The following LRRC7 variants were observed in gnomAD, a reference collection of about 807,000 sequenced individuals.
The protein encoded by LRRC7 is leucine rich repeat containing 7, also known as leucine-rich repeat-containing protein 7.
In LRRC7, 23 loss-of-function variants were observed where a neutral mutation model predicts 175.7. The ratio of observed to expected loss-of-function variants is 0.13; its 90% CI spans 0.09 to 0.19. LRRC7 has a LOEUF of 0.19. Ranked by LOEUF, LRRC7 falls within the 10% of genes least tolerant of loss-of-function variation. The pLI is 1.00. For synonymous variants in LRRC7, 685 were observed against 680.9 expected, an observed-to-expected ratio of 1.01 and a Z score of -0.09; for missense variants, 1,354 against 1,904.7, an observed-to-expected ratio of 0.71 and a Z score of 5.38.
intron 3 of LRRC7, 58 bp downstream of exon 3, chr1:69,760,451 A>C (rs1290180837): frequency 7.1e-7 from 1 of 1,418,186 alleles, no homozygotes; most frequent in Non-Finnish European, 9.9e-7. Context: ...ATTTTCAAAT[A>C]CTTTATTATA....
At chr1:70,110,820 G>T (rs1449707290) in intron 26 of LRRC7, among the ~76,000 whole-genome samples, 1 of 152,122 alleles carries the variant, frequency 6.6e-6, no homozygotes, top group Non-Finnish European at 1.5e-5. Context: ...TGAAAGAAAC[G>T]AGAATGGCTA....
At position 69,827,881 on chromosome 1, in the gene LRRC7, A is replaced by G. The variant is rs188386850; in HGVS notation, c.500+2055A>G. ...TCTATTTAGGTGTATGGTTCAATGA[A>G]TTTTAACAAATGTATACAGTCATGT... On this transcript the variant is annotated intron_variant, in intron 5 of 26. Transcript: ENST00000651989. 5.9e-5 allele frequency among the ~76,000 whole-genome samples: 9 copies of G among 152,206 alleles called. No homozygotes were observed. The East Asian group carries it at 1.7e-3, about 29-fold the overall frequency.
chr1:69,672,255 TA>T (rs11350652), intron 1 of LRRC7, among the ~76,000 whole-genome samples: 19,104 of 152,226 alleles, frequency 0.13, 1,551 homozygotes, highest in South Asian at 0.18. Flanking sequence ...TACATTTTTT[TA>T]AAAAAATTGT....
intron 1 of LRRC7, among the ~76,000 whole-genome samples, chr1:69,597,878 C>T (rs1646905674): frequency 6.6e-6 from 1 of 152,086 alleles, no homozygotes; most frequent in African/African-American, 2.4e-5. Context: ...CAGTTTGCAC[C>T]TTTCCAAGTA....
In LRRC7 at chr1:70,023,212, A is replaced by G; in HGVS notation, c.1632A>G (p.Pro544=). 1.2e-6 allele frequency: 2 copies of G among 1,606,196 alleles called. No individual in the cohort carries two copies. Among genetic ancestry groups the G allele is most frequent in the South Asian group, 1.1e-5 (1 of 89,534 alleles). Residue 544 remains proline, a synonymous_variant, in exon 17 of 27, where the codon CCA becomes CCG. Coordinates refer to ENST00000651989, the MANE Select transcript of LRRC7 (RefSeq NM_001370785.2). ...PARLSGDCCT[P]WARCDQQIQD... ...GACTGTCTGGCGATTGCTGCACACC[A>G]TGGGCCAGGTGTGATCAGCAGATCC...
At chr1:69,623,509 T>C (rs1650970870) in intron 1 of LRRC7, among the ~76,000 whole-genome samples, 1 of 151,686 alleles carries the variant, frequency 6.6e-6, no homozygotes, top group Non-Finnish European at 1.5e-5. Context: ...GAACAAATAG[T>C]TGATTTTGCT....
At chr1:69,896,171 G>A (rs1037530843) in intron 7 of LRRC7, among the ~76,000 whole-genome samples, 2 of 151,488 alleles carry the variant, frequency 1.3e-5, no homozygotes, top group African/African-American at 4.9e-5. Flanking sequence ...ATTTTATATC[G>A]ATGCATAATA....
chr1:69,784,697 G>A (rs1324169995), intron 3 of LRRC7, among the ~76,000 whole-genome samples: 2 of 152,088 alleles, frequency 1.3e-5, no homozygotes, highest in Admixed American at 6.5e-5. Context: ...TCTAATGTAA[G>A]CATTTAAGGC....
At chr1:69,871,923 A>G (rs553181514) in intron 7 of LRRC7, among the ~76,000 whole-genome samples, 1 of 152,144 alleles carries the variant, frequency 6.6e-6, no homozygotes, top group African/African-American at 2.4e-5. Context: ...TTTCTAATGT[A>G]AGTAATAATT....
intron 2 of LRRC7, among the ~76,000 whole-genome samples, chr1:69,687,147 A>G (rs1429547792): frequency 6.6e-6 from 1 of 152,128 alleles, no homozygotes. Context: ...ATTTAGCCCA[A>G]CTTAGTTGTC....
chr1:69,830,693 C>T (rs937465044), intron 5 of LRRC7, among the ~76,000 whole-genome samples: 1 of 151,682 alleles, frequency 6.6e-6, no homozygotes, highest in Non-Finnish European at 1.5e-5. Context: ...TGCAGAGTAA[C>T]CATTCAATAA....
intron 2 of LRRC7, among the ~76,000 whole-genome samples, chr1:69,686,828 AG>A (rs1475522664): frequency 6.6e-6 from 1 of 152,162 alleles, no homozygotes; most frequent in African/African-American, 2.4e-5. Flanking sequence ...TAGATAAAAA[AG>A]AAAGACCAAC....
chr1:69,983,631 C>T (rs1005565468), intron 9 of LRRC7, among the ~76,000 whole-genome samples: 8 of 152,198 alleles, frequency 5.3e-5, no homozygotes, highest in Non-Finnish European at 1.0e-4. Context: ...AAAGGCTCAG[C>T]CCTTCATCCT....
chr1:69,846,660 T>C (rs1557803732), intron 7 of LRRC7, among the ~76,000 whole-genome samples: 1 of 152,144 alleles, frequency 6.6e-6, no homozygotes, highest in Admixed American at 6.6e-5. Context: ...TGAATCTCAA[T>C]GTCCTTATTT....
At chr1:69,786,047 C>T (rs1674372613) in intron 3 of LRRC7, among the ~76,000 whole-genome samples, 1 of 152,092 alleles carries the variant, frequency 6.6e-6, no homozygotes, top group African/African-American at 2.4e-5. Context: ...TTTTCTGTAA[C>T]ATCTCACTCA....
intron 1 of LRRC7, among the ~76,000 whole-genome samples, chr1:69,661,535 T>C (rs543427579): frequency 6.6e-6 from 1 of 152,312 alleles, no homozygotes; most frequent in African/African-American, 2.4e-5. Flanking sequence ...TGAATATCTT[T>C]TACTCTGAGT....
Position 69,961,245 on chromosome 1 carries a change from G to C in LRRC7, c.712-19134G>C, listed in dbSNP as rs576970883. On this transcript the variant is annotated intron_variant, in intron 8 of 26. Transcript: ENST00000651989. ...CTCCCATTCACAATTGAAATAAAAA[G>C]AATAAAATACCTAGGAATACAGCTA... 1.9e-4 allele frequency among the ~76,000 whole-genome samples: 29 copies of C among 152,184 alleles called. No homozygotes were observed. The South Asian group carries it at 5.8e-3, about 30-fold the overall frequency.
intron 8 of LRRC7, among the ~76,000 whole-genome samples, chr1:69,965,760 G>T (rs1418087535): frequency 3.9e-5 from 6 of 152,102 alleles, no homozygotes; most frequent in African/African-American, 1.4e-4. Flanking sequence ...AACTGAAAAA[G>T]CTAAACAGTC....
intron 2 of LRRC7, among the ~76,000 whole-genome samples, chr1:69,711,942 C>T (rs1664797741): frequency 6.6e-6 from 1 of 152,106 alleles, no homozygotes; most frequent in Admixed American, 6.5e-5. Flanking sequence ...TGAGAATTAG[C>T]ATGTACCTAA....
Sources: gnomAD v4.1 joint callset for allele counts (sites outside exome capture counted in the v4.1 genomes callset) on GRCh38, gnomAD v4.1.1 for gene constraint, MANE v1.5 for transcripts, NCBI Gene and HGNC (gene_info 2026-07-23, HGNC 2026-07-21) for gene names.